DYNC1LI1: variants seen among roughly 807,000 people sequenced by gnomAD.
DYNC1LI1 encodes cytoplasmic dynein 1 light intermediate chain 1.
A neutral mutation model predicts 63.8 loss-of-function variants in DYNC1LI1; 19 were observed. The observed-to-expected ratio is 0.30, with a 90% CI of 0.21 to 0.44. The LOEUF (loss-of-function observed/expected upper bound fraction) is 0.44, where lower values mean the gene tolerates loss of function less well. Ranked by LOEUF, DYNC1LI1 falls within the 20% of genes least tolerant of loss-of-function variation. The probability of loss-of-function intolerance (pLI) is 1.00; values close to 1 mark genes in which losing one functional copy is unlikely to be tolerated. For synonymous variants in DYNC1LI1, 225 were observed against 232.3 expected, an observed-to-expected ratio of 0.97 and a Z score of 0.28; for missense variants, 565 against 630.2, an observed-to-expected ratio of 0.90 and a Z score of 1.11.
At position 32,570,299 on chromosome 3, in the gene DYNC1LI1, G is replaced by C. The variant is rs761490495; in HGVS notation, c.220+47C>G. The C allele has an allele frequency of 3.5e-5, 52 of 1,480,654 alleles. No homozygotes were observed. The African/African-American group carries it at 6.5e-4, about 19-fold the overall frequency. 91.7% of individuals were successfully genotyped at this position (1,480,654 alleles called of 1,614,324 possible). A position where few individuals can be genotyped will look rare whatever the true frequency, so the allele number is the denominator to read the frequency against. On this transcript the variant is annotated intron_variant, in intron 2 of 12. Transcript: ENST00000273130. ...AGCTAGCCCGCGGACCAGGTACCCC[G>C]GGCCGCTGGGGGCCGGGCGGGGCGG...
chr3:32,534,637 G>A lies in DYNC1LI1; in HGVS notation c.842C>T (p.Ala281Val). The change falls in exon 7 of 13, where the codon GCA becomes GTA. Residue 281 changes from alanine (A) to valine (V), a missense_variant. Coordinates refer to ENST00000273130, the MANE Select transcript of DYNC1LI1 (RefSeq NM_016141.4). ...TTCTTTTACTGAAGTGTAAATAAGTGCTGCACCATCTGAATAATATGGTTA... is the reference window on the plus strand; with the variant it reads ...TTCTTTTACTGAAGTGTAAATAAGTACTGCACCATCTGAATAATATGGTTA... ...IRKFCLQYGA[A>V]LIYTSVKENK... is the part of the protein sequence containing the mutation. 6.3e-7 allele frequency: 1 copy of A among 1,578,002 alleles called. No individual in the cohort carries two copies. The highest frequency in any genetic ancestry group is 8.6e-7 in the Non-Finnish European group (1 of 1,165,682).
intron 5 of DYNC1LI1, among the ~76,000 whole-genome samples, chr3:32,538,497 G>A (rs896424918): frequency 4.6e-5 from 7 of 151,872 alleles, no homozygotes; most frequent in Non-Finnish European, 7.4e-5. Context: ...TCAGGAGATC[G>A]AGACCATCCT....
At position 32,545,066 on chromosome 3, in the gene DYNC1LI1, T is replaced by G; in HGVS notation, c.378A>C (p.Leu126=). The G allele has an allele frequency of 6.2e-7, 1 of 1,613,666 alleles. No individual in the cohort carries two copies. The highest frequency in any genetic ancestry group is 1.1e-5 in the South Asian group (1 of 91,076). The part of the protein sequence containing the change: ...RCNVWILDGD[L]YHKGLLKFSL... ...AAAATTTAAGGAGGCCTTTGTGATA[T>G]AGGTCTCCATCTAAGATCCAAACAT... Residue 126 remains leucine, a synonymous_variant, in exon 4 of 13, where the codon CTA becomes CTC. Coordinates refer to ENST00000273130, the MANE Select transcript of DYNC1LI1 (RefSeq NM_016141.4).
intron 2 of DYNC1LI1, among the ~76,000 whole-genome samples, chr3:32,559,213 T>C (rs914710331): frequency 3.3e-5 from 5 of 152,070 alleles, no homozygotes; most frequent in Admixed American, 1.3e-4. Context: ...TGATCAGTAA[T>C]ACACTAGAAA....
intron 5 of DYNC1LI1, 111 bp downstream of exon 5, chr3:32,540,926 C>T (rs555803630): frequency 1.4e-6 from 1 of 726,576 alleles, no homozygotes; most frequent in Non-Finnish European, 2.1e-6. Context: ...TGTTTGTTAA[C>T]AAAAAATCAT....
intron 2 of DYNC1LI1, among the ~76,000 whole-genome samples, chr3:32,558,992 G>GT (rs888786973): frequency 6.6e-5 from 10 of 151,766 alleles, no homozygotes; most frequent in African/African-American, 2.4e-4. Flanking sequence ...ATCGAGGAGA[G>GT]TAAGATCAGA....
chr3:32,543,951 C>G (rs77805265), intron 4 of DYNC1LI1, among the ~76,000 whole-genome samples: 4,336 of 149,424 alleles, frequency 0.029, 222 homozygotes, highest in African/African-American at 0.1. Context: ...CTGTACTACT[C>G]AGGGGGCTGA....
chr3:32,553,815 G>A (rs113157545), intron 2 of DYNC1LI1, among the ~76,000 whole-genome samples: 53 of 152,354 alleles, frequency 3.5e-4, no homozygotes, highest in African/African-American at 1.2e-3. Context: ...ACACAGGTAG[G>A]AAATGACAGA....
Position 32,537,022 on chromosome 3 carries a change from A to C in DYNC1LI1, c.821T>G (p.Phe274Cys). The change falls in exon 6 of 13, where the codon TTT becomes TGT. Residue 274 changes from phenylalanine (F) to cysteine (C), a missense_variant. Coordinates refer to ENST00000273130, the MANE Select transcript of DYNC1LI1 (RefSeq NM_016141.4). ...FDFIQSHIRKFCLQYGAALIY... is the reference protein window; with the variant it reads ...FDFIQSHIRKCCLQYGAALIY... ...ATTTAAAAGGATACACTGTAAACAA[A>C]ACTTCCGGATATGTGACTGAATAAA... The C allele has an allele frequency of 6.3e-7, 1 of 1,582,828 alleles. No homozygotes were observed. The highest frequency in any genetic ancestry group is 8.6e-7 in the Non-Finnish European group (1 of 1,159,544).
At chr3:32,568,705 A>C (rs756461593) in intron 2 of DYNC1LI1, among the ~76,000 whole-genome samples, 2 of 152,204 alleles carry the variant, frequency 1.3e-5, no homozygotes, top group Non-Finnish European at 2.9e-5. Flanking sequence ...AGAATCATCT[A>C]CACAATATCT....
intron 2 of DYNC1LI1, among the ~76,000 whole-genome samples, chr3:32,557,252 A>G (rs987106397): frequency 6.6e-6 from 1 of 152,216 alleles, no homozygotes; most frequent in African/African-American, 2.4e-5. Context: ...ACGGTGGCTT[A>G]GGCCTGTAAT....
In DYNC1LI1 at chr3:32,532,485, G is replaced by GTATATATATATATATATA. The variant is rs1292389896; in HGVS notation, c.1080+500_1080+501insTATATATATATATATATA. ...CATCTCAAAAAAAAAAAAAAAATGTGTGTATATATATATATATATATAAAA... is the reference window on the plus strand; with the variant it reads ...CATCTCAAAAAAAAAAAAAAAATGTGTATATATATATATATATATGTATATATATATATATATATAAAA... On this transcript the variant is annotated intron_variant, in intron 8 of 12. Transcript: ENST00000273130. 324 of 122,258 alleles carry GTATATATATATATATATA rather than the reference G, an allele frequency of 2.7e-3. 7 individuals are homozygous for GTATATATATATATATATA. The highest frequency in any genetic ancestry group is 4.8e-3 in the African/African-American group (166 of 34,600). The allele number at this position is 122,258 out of a possible 1,614,324, so 7.6% of individuals were successfully genotyped here. A position where few individuals can be genotyped will look rare whatever the true frequency, so the allele number is the denominator to read the frequency against.
chr3:32,539,293 A>C (rs1177136175), intron 5 of DYNC1LI1, among the ~76,000 whole-genome samples: 1 of 152,160 alleles, frequency 6.6e-6, no homozygotes, highest in Non-Finnish European at 1.5e-5. Flanking sequence ...TGTTATGGAT[A>C]ATTTTTGTAG....
rs567907980 is a variant in DYNC1LI1 at position 32,526,080 on chromosome 3, T to C, written c.*719A>G. The C allele has an allele frequency of 6.6e-6, 1 of 152,562 alleles. No homozygotes were observed. The highest frequency in any genetic ancestry group is 1.9e-4 in the East Asian group (1 of 5,194). 9.5% of individuals were successfully genotyped at this position (152,562 alleles called of 1,614,324 possible). A position where few individuals can be genotyped will look rare whatever the true frequency, so the allele number is the denominator to read the frequency against. On this transcript the variant is annotated 3_prime_UTR_variant, in exon 13 of 13. Coordinates refer to ENST00000273130, the MANE Select transcript of DYNC1LI1 (RefSeq NM_016141.4). ...GCAAAGCCATATATATATATATATA[T>C]GTATAGACAAATCCAAAGATTGTTA...
At chr3:32,533,751 G>T (rs958167394) in intron 7 of DYNC1LI1, among the ~76,000 whole-genome samples, 2 of 151,534 alleles carry the variant, frequency 1.3e-5, no homozygotes, top group African/African-American at 2.4e-5. Context: ...TGGTAGAGAT[G>T]GGGTCTCACG....
intron 2 of DYNC1LI1, among the ~76,000 whole-genome samples, chr3:32,561,258 T>C (rs552940978): frequency 2.1e-4 from 32 of 151,698 alleles, no homozygotes; most frequent in African/African-American, 7.3e-4. Context: ...TTTAACCTAC[T>C]AGATAGCCAA....
At chr3:32,570,306 T>A in intron 2 of DYNC1LI1, 40 bp downstream of exon 2, 1 of 1,496,406 alleles carries the variant, frequency 6.7e-7, no homozygotes, top group Non-Finnish European at 9.1e-7. Flanking sequence ...CCCGGGCCGC[T>A]GGGGGCCGGG....
chr3:32,548,224 C>T (rs979370372), intron 2 of DYNC1LI1, among the ~76,000 whole-genome samples: 14 of 152,198 alleles, frequency 9.2e-5, no homozygotes, highest in African/African-American at 2.6e-4. Flanking sequence ...GACAGCATTA[C>T]CGCTGAGCTC....
At chr3:32,543,592 G>A (rs984407608) in intron 4 of DYNC1LI1, among the ~76,000 whole-genome samples, 5 of 149,644 alleles carry the variant, frequency 3.3e-5, no homozygotes, top group Non-Finnish European at 5.9e-5. Flanking sequence ...ATTTTTAGTA[G>A]GGACAGGGTT....
Sources: allele counts gnomAD v4.1 joint callset (sites outside exome capture counted in the v4.1 genomes callset), GRCh38; gene constraint gnomAD v4.1.1; transcripts MANE v1.5; gene names NCBI Gene and HGNC (gene_info 2026-07-23, HGNC 2026-07-21).